ZFHX3: variants seen among roughly 807,000 people sequenced by gnomAD.
The protein encoded by ZFHX3 is zinc finger homeobox protein 3.
A neutral mutation model predicts 279.1 loss-of-function variants in ZFHX3; 42 were observed. That is an observed-to-expected ratio of 0.15 (90% CI 0.12 to 0.19). The LOEUF (loss-of-function observed/expected upper bound fraction) is 0.19, where lower values mean the gene tolerates loss of function less well. Ranked by LOEUF, ZFHX3 falls within the 10% of genes least tolerant of loss-of-function variation. The pLI, the probability that ZFHX3 is intolerant of heterozygous loss-of-function variation, is 1.00. For synonymous variants in ZFHX3, 2,293 were observed against 1,957.8 expected (o/e 1.17, Z -4.52); for missense variants, 4,981 against 4,754.0 (o/e 1.05, Z -1.40).
chr16:73,459,774 G>A (rs2018440829), intron 2 of ZFHX3, among the ~76,000 whole-genome samples: 1 of 152,106 alleles, frequency 6.6e-6, no homozygotes, highest in African/African-American at 2.4e-5. Flanking sequence ...TCCTCACAAG[G>A]TGGCAGGAAG....
At chr16:72,936,914 G>A (rs913514929) in intron 3 of ZFHX3, among the ~76,000 whole-genome samples, 2 of 152,182 alleles carry the variant, frequency 1.3e-5, no homozygotes, top group East Asian at 1.9e-4. Flanking sequence ...GCTGGCCTGG[G>A]AGGGTGGTGG....
At chr16:73,517,114 C>T (rs939579829) in intron 2 of ZFHX3, among the ~76,000 whole-genome samples, 2 of 152,182 alleles carry the variant, frequency 1.3e-5, no homozygotes, top group Admixed American at 6.5e-5. Context: ...CCTTCAGTCT[C>T]GCTTTACTGC....
chr16:72,960,329 C>T (rs747525135), intron 1 of ZFHX3, 135 bp from the exon 2 acceptor site: 6 of 630,160 alleles, frequency 9.5e-6, no homozygotes, highest in African/African-American at 5.6e-5. Context: ...CACAGAGACA[C>T]AGGGCGGAGG....
At chr16:73,195,952 G>A (rs1343681865) in intron 5 of ZFHX3, among the ~76,000 whole-genome samples, 1 of 152,124 alleles carries the variant, frequency 6.6e-6, no homozygotes, top group Non-Finnish European at 1.5e-5. Flanking sequence ...ATCTTTATAC[G>A]TGTATATCTT....
intron 4 of ZFHX3, among the ~76,000 whole-genome samples, chr16:72,882,427 G>A (rs73590748): frequency 0.011 from 1,628 of 152,170 alleles, 23 homozygotes; most frequent in African/African-American, 0.036. Context: ...GAAAAATAAC[G>A]CAACGAATGA....
At position 73,549,043 on chromosome 16, in the gene ZFHX3, G is replaced by T. The variant is rs187419772; in HGVS notation, c.-1546-92785C>A. ...GTTACTTCTCAGAAATTACAAAAGGGACATTTAGGAATTGTTCACAAGGTG... is the reference window on the plus strand; with the variant it reads ...GTTACTTCTCAGAAATTACAAAAGGTACATTTAGGAATTGTTCACAAGGTG... On this transcript the variant is annotated intron_variant, in intron 2 of 17. Transcript: ENST00000641206. 4.1e-3 allele frequency among the ~76,000 whole-genome samples: 622 copies of T among 152,192 alleles called. 7 individuals carry two copies. The highest frequency in any genetic ancestry group is 0.014 in the African/African-American group (591 of 41,534).
intron 4 of ZFHX3, among the ~76,000 whole-genome samples, chr16:72,888,087 T>C (rs1597348336): frequency 6.6e-6 from 1 of 152,014 alleles, no homozygotes. Context: ...AGAAGAAACA[T>C]GGAAATAAGT....
intron 2 of ZFHX3, among the ~76,000 whole-genome samples, chr16:73,662,991 G>A (rs1482577310): frequency 6.6e-6 from 1 of 152,088 alleles, no homozygotes; most frequent in Non-Finnish European, 1.5e-5. Context: ...ACCTACTGCT[G>A]GGATCGTGAT....
At chr16:73,770,245 C>T (rs994978805) in intron 1 of ZFHX3, among the ~76,000 whole-genome samples, 2 of 152,210 alleles carry the variant, frequency 1.3e-5, no homozygotes, top group African/African-American at 2.4e-5. Flanking sequence ...GTTAGAAATA[C>T]TCTGCCAGCC....
rs921114777 is a variant in ZFHX3, at chr16:73,449,446, G to A, written c.-1291+6557C>T. On this transcript the variant is annotated intron_variant, in intron 3 of 17. Transcript: ENST00000641206. Reference sequence around the variant, plus strand: ...GAAGGCTGAGGCGGGAGGATTGCTTGAGGCCAGAAGTTAGAGATCAGCCTG... The same window carrying A: ...GAAGGCTGAGGCGGGAGGATTGCTTAAGGCCAGAAGTTAGAGATCAGCCTG... 2.0e-5 allele frequency among the ~76,000 whole-genome samples: 3 copies of A among 152,166 alleles called. No individual in the cohort carries two copies. The South Asian group carries it at 6.2e-4, about 32-fold the overall frequency.
chr16:73,313,033 C>A (rs142823485), intron 4 of ZFHX3, among the ~76,000 whole-genome samples: 1 of 152,278 alleles, frequency 6.6e-6, no homozygotes, highest in Non-Finnish European at 1.5e-5. Context: ...TGTCAGGGGA[C>A]GGGCCTGGTG....
chr16:73,369,189 G>A (rs1414661049), intron 3 of ZFHX3, among the ~76,000 whole-genome samples: 11 of 152,210 alleles, frequency 7.2e-5, no homozygotes, highest in Non-Finnish European at 1.5e-4. Context: ...CAGGCCTGGG[G>A]TTTGCTTTGG....
chr16:73,754,043 C>T (rs1412181367), intron 1 of ZFHX3, among the ~76,000 whole-genome samples: 1 of 139,558 alleles, frequency 7.2e-6, no homozygotes, highest in African/African-American at 2.7e-5. Context: ...CTTGGACTGC[C>T]TCCCAAATGT....
intron 1 of ZFHX3, among the ~76,000 whole-genome samples, chr16:73,686,446 T>G (rs2053084971): frequency 6.6e-6 from 1 of 152,120 alleles, no homozygotes; most frequent in Non-Finnish European, 1.5e-5. Flanking sequence ...GTATCATGAG[T>G]TGGGTGTCTT....
chr16:72,846,628 C>T (rs1270523900), intron 4 of ZFHX3, among the ~76,000 whole-genome samples: 3 of 152,244 alleles, frequency 2.0e-5, no homozygotes, highest in Admixed American at 6.5e-5. Context: ...ATGCATCCCC[C>T]TTAGCAGAGA....
Position 72,788,764 on chromosome 16 carries a change from T to C in ZFHX3, c.9512A>G (p.Asn3171Ser). The change falls in exon 10 of 10, where the codon AAT (asparagine) becomes AGT (serine). Residue 3171 changes from asparagine to serine, a missense_variant. Coordinates refer to ENST00000268489, the MANE Select transcript of ZFHX3 (RefSeq NM_006885.4). ...GCTCAGCGACGCTGAGGACGGTTTATTTGGTAATCCAGAAGTGGGGAGGCC... is the reference window on the plus strand; with the variant it reads ...GCTCAGCGACGCTGAGGACGGTTTACTTGGTAATCCAGAAGTGGGGAGGCC... ...SPGLPTSGLP[N>S]KPSSASLSSP... The C allele has an allele frequency of 1.3e-6, 2 of 1,568,526 alleles. No homozygotes were observed. Among genetic ancestry groups the C allele is most frequent in the Non-Finnish European group, 1.7e-6 (2 of 1,158,940 alleles).
intron 1 of ZFHX3, among the ~76,000 whole-genome samples, chr16:72,967,428 C>T (rs1961896608): frequency 6.6e-6 from 1 of 151,518 alleles, no homozygotes; most frequent in African/African-American, 2.4e-5. Flanking sequence ...CAATGTGTAA[C>T]ATAACAATCC....
At chr16:73,039,386 G>C (rs1042543138) in intron 1 of ZFHX3, among the ~76,000 whole-genome samples, 6 of 152,192 alleles carry the variant, frequency 3.9e-5, no homozygotes, top group African/African-American at 9.7e-5. Context: ...TGTCTAAATG[G>C]GGGGAGTGGC....
chr16:73,882,864 T>A (rs759638271), intron 1 of ZFHX3, among the ~76,000 whole-genome samples: 9 of 152,068 alleles, frequency 5.9e-5, no homozygotes, highest in Non-Finnish European at 7.4e-5. Flanking sequence ...TTAATGGGAA[T>A]CATGAAGCCA....
Sources: gnomAD v4.1 joint callset for allele counts (sites outside exome capture counted in the v4.1 genomes callset) on GRCh38, gnomAD v4.1.1 for gene constraint, MANE v1.5 for transcripts, NCBI Gene and HGNC (gene_info 2026-07-23, HGNC 2026-07-21) for gene names.